ADD2: variants seen among roughly 807,000 people sequenced by gnomAD.
The protein encoded by ADD2 is beta-adducin.
Under a neutral mutation model 83.0 loss-of-function variants are expected in ADD2, and 23 were observed. The observed-to-expected ratio is 0.28, with a 90% CI of 0.20 to 0.39. ADD2 has a LOEUF of 0.39. Among genes scored for constraint, ADD2 ranks in the 10% least tolerant of loss-of-function variants. ADD2 has a pLI of 1.00. For missense variants in ADD2, 758 were observed against 944.9 expected (o/e 0.80, Z 2.59); for synonymous variants, 375 against 375.4 (o/e 1.00, Z 0.01).
chr2:70,760,718 C>T (rs546789621), intron 1 of ADD2: 20 of 152,270 alleles, frequency 1.3e-4, no homozygotes, highest in East Asian at 3.9e-4. Flanking sequence ...GGTGGTCACA[C>T]GGGCATTCAC....
intron 1 of ADD2, among the ~76,000 whole-genome samples, chr2:70,717,059 C>CCT (rs1196646068): frequency 3.3e-5 from 5 of 152,118 alleles, no homozygotes; most frequent in Admixed American, 1.3e-4. Flanking sequence ...TTGAGCACCC[C>CCT]CTCACCTCCC....
intron 13 of ADD2, chr2:70,675,354 A>G (rs1175048764): frequency 2.0e-6 from 2 of 986,318 alleles, no homozygotes; most frequent in Middle Eastern, 5.2e-4. Flanking sequence ...CCTGTTTCAC[A>G]CACAGTTGTA....
intron 4 of ADD2, among the ~76,000 whole-genome samples, chr2:70,703,802 T>C (rs1358474715): frequency 2.6e-5 from 4 of 152,212 alleles, no homozygotes; most frequent in African/African-American, 9.6e-5. Flanking sequence ...AGAATAGTAA[T>C]ATGAGGGCTT....
At chr2:70,767,856 G>A (rs1553386444) in intron 1 of ADD2, 30 bp downstream of exon 1, 2 of 1,534,744 alleles carry the variant, frequency 1.3e-6, no homozygotes, top group South Asian at 1.2e-5. Flanking sequence ...ACCCCAGGCA[G>A]CCCACCAGGC....
intron 1 of ADD2, among the ~76,000 whole-genome samples, chr2:70,723,769 G>T (rs1383835545): frequency 1.3e-5 from 2 of 152,116 alleles, no homozygotes; most frequent in Non-Finnish European, 2.9e-5. Context: ...GCCGTCTCCT[G>T]ACACACTTGC....
chr2:70,683,485 T>C lies in ADD2; in HGVS notation c.1125+106A>G, dbSNP rs189423858. The C allele has an allele frequency of 2.2e-5, 27 of 1,233,272 alleles. No homozygotes were observed. In the East Asian group the frequency reaches 4.3e-4, roughly 20 times the overall value. The allele number at this position is 1,233,272 out of a possible 1,614,324, so 76.4% of individuals were successfully genotyped here. On this transcript the variant is annotated intron_variant, in intron 10 of 15. Transcript: ENST00000264436. ...CATCAATGAGGCTTCAACAACCTAG[T>C]TGTGATGCTGGCAATTCTTGTGCCC...
At chr2:70,686,761 C>A (rs550259895) in intron 9 of ADD2, among the ~76,000 whole-genome samples, 5 of 152,288 alleles carry the variant, frequency 3.3e-5, no homozygotes, top group Admixed American at 6.5e-5. Context: ...GGAGGCGCTA[C>A]ATCACATCAG....
At chr2:70,751,943 C>T (rs938962335) in intron 1 of ADD2, among the ~76,000 whole-genome samples, 2 of 152,156 alleles carry the variant, frequency 1.3e-5, no homozygotes, top group Admixed American at 6.5e-5. Flanking sequence ...CAAGAGTCGC[C>T]GCTTTTCACA....
intron 1 of ADD2, among the ~76,000 whole-genome samples, chr2:70,718,991 T>C (rs185604651): frequency 6.6e-6 from 1 of 152,192 alleles, no homozygotes; most frequent in African/African-American, 2.4e-5. Context: ...ATTTCTGGCA[T>C]GCGGGGCTCA....
intron 1 of ADD2, among the ~76,000 whole-genome samples, chr2:70,713,711 G>A (rs1672318846): frequency 6.6e-6 from 1 of 152,150 alleles, no homozygotes; most frequent in Non-Finnish European, 1.5e-5. Flanking sequence ...GTGCTGGCTG[G>A]CAAGGCCTCC....
chr2:70,708,092 C>T (rs1165527646), intron 2 of ADD2, among the ~76,000 whole-genome samples: 1 of 152,236 alleles, frequency 6.6e-6, no homozygotes, highest in Non-Finnish European at 1.5e-5. Context: ...CAGAACTCCA[C>T]ACACTACCTT....
chr2:70,710,190 G>A (rs1182627771), intron 2 of ADD2, among the ~76,000 whole-genome samples: 1 of 152,358 alleles, frequency 6.6e-6, no homozygotes, highest in East Asian at 1.9e-4. Context: ...TGAGCCCCCT[G>A]TGCTCCCTAG....
At chr2:70,671,833 A>T (rs1018493355) in intron 15 of ADD2, among the ~76,000 whole-genome samples, 5 of 151,990 alleles carry the variant, frequency 3.3e-5, no homozygotes, top group African/African-American at 1.2e-4. Flanking sequence ...TGGCCGTTCT[A>T]CTCCAGAGGG....
At chr2:70,760,587 C>T (rs1675032486) in intron 1 of ADD2, 1 of 152,042 alleles carries the variant, frequency 6.6e-6, no homozygotes, top group African/African-American at 2.4e-5. Flanking sequence ...ATTATAAAAG[C>T]AAGCAAGAAA....
intron 1 of ADD2, among the ~76,000 whole-genome samples, chr2:70,721,044 G>T (rs1574287067): frequency 6.6e-6 from 1 of 152,308 alleles, no homozygotes. Context: ...TGAGGCTGTT[G>T]TTATGGCAGG....
intron 1 of ADD2, among the ~76,000 whole-genome samples, chr2:70,751,362 T>C (rs1451249475): frequency 6.6e-6 from 1 of 152,260 alleles, no homozygotes; most frequent in South Asian, 2.1e-4. Context: ...TCCACTTATA[T>C]AGAAAAATCT....
At chr2:70,688,941 A>G (rs1292046556) in intron 8 of ADD2, among the ~76,000 whole-genome samples, 1 of 152,146 alleles carries the variant, frequency 6.6e-6, no homozygotes, top group Non-Finnish European at 1.5e-5. Context: ...TACTAAAAAT[A>G]CAAAAATTAA....
rs529439868 is a variant in ADD2 at position 70,672,962 on chromosome 2, A to T, written c.1786T>A (p.Ser596Thr). ...CTCTGCACTGGAGAAGCAGGTGCAGACTTTGCAGGTGAGCCAGGCTCTTCT... is the reference window on the plus strand; with the variant it reads ...CTCTGCACTGGAGAAGCAGGTGCAGTCTTTGCAGGTGAGCCAGGCTCTTCT... Reference protein sequence around the residue: ...APEEPGSPAKSAPASPVQSPA... With the variant: ...APEEPGSPAKTAPASPVQSPA... Residue 596 changes from serine (S) to threonine (T), a missense_variant, in exon 15 of 16, where the codon TCT becomes ACT. Around this residue, in one of 5 missense-constraint regions of ADD2, gnomAD observed 165 missense variants for 176.2 expected, o/e 0.94. Transcript: ENST00000264436. 1.2e-6 allele frequency: 2 copies of T among 1,613,944 alleles called. No individual in the cohort carries two copies. Among genetic ancestry groups the T allele is most frequent in the Non-Finnish European group, 1.7e-6 (2 of 1,179,976 alleles).
intron 1 of ADD2, among the ~76,000 whole-genome samples, chr2:70,745,280 C>G (rs1046586163): frequency 9.9e-5 from 15 of 151,766 alleles, no homozygotes; most frequent in African/African-American, 3.6e-4. Flanking sequence ...AGCGATACTC[C>G]GTCTCAAAAT....
Sources: allele counts gnomAD v4.1 joint callset (sites outside exome capture counted in the v4.1 genomes callset), GRCh38; gene constraint gnomAD v4.1.1; regional missense constraint gnomAD v4.1.1; transcripts MANE v1.5; gene names NCBI Gene and HGNC (gene_info 2026-07-23, HGNC 2026-07-21).